KATNIP: variants seen among roughly 807,000 people sequenced by gnomAD.
KATNIP encodes katanin-interacting protein.
Under a neutral mutation model 174.0 loss-of-function variants are expected in KATNIP, and 126 were observed. The observed-to-expected ratio is 0.72, with a 90% CI of 0.63 to 0.84. The LOEUF (loss-of-function observed/expected upper bound fraction) is 0.84. Among genes scored for constraint, KATNIP ranks in the 40% least tolerant of loss-of-function variants. The pLI, the probability that KATNIP is intolerant of heterozygous loss-of-function variation, is 0.00. For missense variants in KATNIP, 1,958 were observed against 2,109.7 expected (o/e 0.93, Z 1.41); for synonymous variants, 810 against 835.7 (o/e 0.97, Z 0.53).
intron 10 of KATNIP, among the ~76,000 whole-genome samples, chr16:27,701,207 G>C (rs1157537191): frequency 6.6e-6 from 1 of 151,882 alleles, no homozygotes. Flanking sequence ...ACCCAGGCTG[G>C]AGTGCAGTGG....
At position 27,777,597 on chromosome 16, in the gene KATNIP, CG is replaced by C; in HGVS notation, c.4552-12del. 1 of 1,599,860 alleles carries C rather than the reference CG, an allele frequency of 6.3e-7. No homozygotes were observed. The highest frequency in any genetic ancestry group is 8.5e-7 in the Non-Finnish European group (1 of 1,172,232). Reference sequence around the variant, plus strand: ...CGAGGGGGACCCATGAGTCCTGCCCCGTGTCCCTGCAGCTCCTGGTGGACGA... The same window carrying C: ...CGAGGGGGACCCATGAGTCCTGCCCCTGTCCCTGCAGCTCCTGGTGGACGA... On this transcript the variant is annotated splice_polypyrimidine_tract_variant and intron_variant, in intron 25 of 27. Transcript: ENST00000261588. This position sits in a 1 kb window ranked among gnomAD's most constrained non-coding sequence, Gnocchi z 4.4.
chr16:27,774,794 G>A, intron 23 of KATNIP, 151 bp from the exon 24 acceptor site: 1 of 845,916 alleles, frequency 1.2e-6, no homozygotes. Context: ...CGTTTCCCCA[G>A]GACACGTCCA....
chr16:27,677,208 AG>A (rs2078151173), intron 6 of KATNIP, among the ~76,000 whole-genome samples: 1 of 152,230 alleles, frequency 6.6e-6, no homozygotes, highest in South Asian at 2.1e-4. Context: ...TATGCAGGTC[AG>A]CCCCTAACAA....
At chr16:27,581,104 A>G (rs1316664395) in intron 2 of KATNIP, among the ~76,000 whole-genome samples, 4 of 152,140 alleles carry the variant, frequency 2.6e-5, no homozygotes, top group African/African-American at 9.7e-5. Flanking sequence ...CAAAATATGA[A>G]TATTTATACT....
intron 2 of KATNIP, among the ~76,000 whole-genome samples, chr16:27,615,139 G>A (rs760972059): frequency 9.2e-5 from 14 of 151,922 alleles, no homozygotes; most frequent in Non-Finnish European, 1.8e-4. Flanking sequence ...CAAGTAGGAC[G>A]TTTTTTAGAG....
At chr16:27,641,830 G>A (rs745943174) in intron 5 of KATNIP, among the ~76,000 whole-genome samples, 7 of 152,210 alleles carry the variant, frequency 4.6e-5, no homozygotes, top group Non-Finnish European at 7.3e-5. Context: ...GAGTAGCAGG[G>A]CCCTAGTCCA....
rs546038663 is a variant in KATNIP at position 27,727,010 on chromosome 16, G to T, written c.1743+5315G>T. Among the ~76,000 whole-genome samples the T allele has an allele frequency of 3.3e-5, 5 of 152,346 alleles. 1 individual carries two copies. The highest frequency in any genetic ancestry group is 3.3e-4 in the Admixed American group (5 of 15,314). On this transcript the variant is annotated intron_variant, in intron 14 of 27. Coordinates refer to ENST00000261588, the MANE Select transcript of KATNIP (RefSeq NM_015202.5). ...ATCTGAGACCATGTGGCCTGGGGCA[G>T]GTTACATCACATCTGTATACCTCAG...
chr16:27,665,343 G>A (rs1224319414), intron 6 of KATNIP, among the ~76,000 whole-genome samples: 2 of 151,694 alleles, frequency 1.3e-5, no homozygotes, highest in African/African-American at 4.8e-5. Flanking sequence ...GACCTCAAAC[G>A]ATCCACCCAC....
chr16:27,778,610 C>T lies in KATNIP; in HGVS notation c.4838C>T (p.Thr1613Met), dbSNP rs1405131932. 7 of 1,613,784 alleles carry T rather than the reference C, an allele frequency of 4.3e-6. No individual in the cohort carries two copies. The highest frequency in any genetic ancestry group is 1.7e-4 in the Middle Eastern group (1 of 6,058). ...AAAACCTGCATCAGCGAGAAGGAGA[C>T]GAGACGACGGCGCTGCTGACTGGTG... Reference protein sequence around the residue: ...RPKTCISEKETRRRRC With the variant: ...RPKTCISEKEMRRRRC The change falls in exon 28 of 28, where the codon ACG becomes ATG. Residue 1613 changes from threonine (T) to methionine (M), a missense_variant. Transcript: ENST00000261588.
chr16:27,649,500 T>A (rs983959129), intron 6 of KATNIP, among the ~76,000 whole-genome samples: 5 of 152,218 alleles, frequency 3.3e-5, no homozygotes, highest in Non-Finnish European at 5.9e-5. Flanking sequence ...ATTTTTGTAT[T>A]ATTTTTTAAA....
At chr16:27,717,209 C>T (rs1316694246) in intron 13 of KATNIP, among the ~76,000 whole-genome samples, 1 of 152,120 alleles carries the variant, frequency 6.6e-6, no homozygotes, top group Non-Finnish European at 1.5e-5. Flanking sequence ...TTTCACTCAG[C>T]GTAATGCCCT....
At chr16:27,678,046 TA>T in intron 7 of KATNIP, 50 bp downstream of exon 7, 2 of 1,586,916 alleles carry the variant, frequency 1.3e-6, no homozygotes, top group Non-Finnish European at 1.7e-6. Context: ...TCTCTGCATC[TA>T]ATAGCAGGAC....
chr16:27,771,758 A>G (rs896257190), intron 22 of KATNIP, 106 bp downstream of exon 22: 28 of 1,177,558 alleles, frequency 2.4e-5, no homozygotes, highest in East Asian at 4.8e-5. Context: ...AGGCAGCTGG[A>G]ACTCCATGCA....
intron 13 of KATNIP, among the ~76,000 whole-genome samples, chr16:27,714,932 G>T (rs535690966): frequency 2.5e-4 from 38 of 152,244 alleles, no homozygotes; most frequent in Admixed American, 5.2e-4. Context: ...TGATTTCTTT[G>T]TACAAGTTGA....
chr16:27,672,428 G>A (rs2077950931), intron 6 of KATNIP, among the ~76,000 whole-genome samples: 1 of 152,184 alleles, frequency 6.6e-6, no homozygotes, highest in African/African-American at 2.4e-5. Flanking sequence ...AAATGCCCCT[G>A]TTTATATTTC....
At chr16:27,677,165 T>C (rs1318860544) in intron 6 of KATNIP, among the ~76,000 whole-genome samples, 1 of 152,168 alleles carries the variant, frequency 6.6e-6, no homozygotes, top group African/African-American at 2.4e-5. Flanking sequence ...TGCTAAATAG[T>C]ATGACATTTA....
intron 21 of KATNIP, among the ~76,000 whole-genome samples, chr16:27,771,371 C>T (rs1038893931): frequency 7.2e-5 from 11 of 152,128 alleles, no homozygotes; most frequent in African/African-American, 2.2e-4. Context: ...CCCTGAGCCC[C>T]GTGCCTCCCT....
chr16:27,612,404 A>G (rs1266982045), intron 2 of KATNIP, among the ~76,000 whole-genome samples: 2 of 152,154 alleles, frequency 1.3e-5, no homozygotes, highest in Non-Finnish European at 2.9e-5. Flanking sequence ...AAAGTTGGCT[A>G]GTCTAGGGCC....
Position 27,777,597 on chromosome 16 carries a change from C to T in KATNIP, c.4552-13C>T, listed in dbSNP as rs569195768. On this transcript the variant is annotated splice_polypyrimidine_tract_variant and intron_variant, in intron 25 of 27. Transcript: ENST00000261588. This position sits in a 1 kb window ranked among gnomAD's most constrained non-coding sequence, Gnocchi z 4.4. ...CGAGGGGGACCCATGAGTCCTGCCC[C>T]GTGTCCCTGCAGCTCCTGGTGGACG... 41 of 1,599,858 alleles carry T rather than the reference C, an allele frequency of 2.6e-5. No homozygotes were observed. The East Asian group carries it at 3.6e-4, about 14-fold the overall frequency.
Sources: gnomAD v4.1 joint callset for allele counts (sites outside exome capture counted in the v4.1 genomes callset) on GRCh38, gnomAD v4.1.1 for gene constraint, Gnocchi (gnomAD v3.1) non-coding constraint, MANE v1.5 for transcripts, NCBI Gene and HGNC (gene_info 2026-07-23, HGNC 2026-07-21) for gene names.